Variants in C12orf54 observed in about 807,000 individuals in gnomAD.
C12orf54 encodes uncharacterized protein C12orf54.
C12orf54 carries 24 observed loss-of-function variants against 26.4 expected under a neutral mutation model. The ratio of observed to expected loss-of-function variants is 0.91; its 90% CI spans 0.66 to 1.28. C12orf54 has a LOEUF of 1.28. C12orf54 is among the 50% of genes most tolerant of loss of function. The pLI, the probability that C12orf54 is intolerant of heterozygous loss-of-function variation, is 0.00. For missense variants in C12orf54, 154 were observed against 150.9 expected, an observed-to-expected ratio of 1.02 and a Z score of -0.11; for synonymous variants, 54 against 47.0, an observed-to-expected ratio of 1.15 and a Z score of -0.61.
chr12:48,417,311 C>G, the C12orf54 span: 1 of 152,284 alleles, frequency 6.6e-6, no homozygotes, highest in East Asian at 1.9e-4. Context: ...AGGATGAACT[C>G]GGAGATAATG....
chr12:48,460,172 T>TA, the C12orf54 span, among the ~76,000 whole-genome samples: 64 of 151,700 alleles, frequency 4.2e-4, no homozygotes, highest in African/African-American at 1.4e-3. Context: ...AACCTAGGCT[T>TA]ACAGAGTTTA....
At chr12:48,447,208 T>TCTCTC in the C12orf54 span, among the ~76,000 whole-genome samples, 7 of 97,410 alleles carry the variant, frequency 7.2e-5, no homozygotes, top group African/African-American at 2.4e-4. Context: ...CTCTCTCTCT[T>TCTCTC]ACTCTGTGTG....
chr12:48,462,642 G>A, the C12orf54 span, among the ~76,000 whole-genome samples: 1 of 151,526 alleles, frequency 6.6e-6, no homozygotes, highest in Non-Finnish European at 1.5e-5. Flanking sequence ...ATCTTAATAT[G>A]TACAGAAAAA....
At chr12:48,457,533 C>G in the C12orf54 span, among the ~76,000 whole-genome samples, 6 of 152,006 alleles carry the variant, frequency 3.9e-5, no homozygotes, top group Admixed American at 6.6e-5. Flanking sequence ...GGGTTTTCAC[C>G]ATGTTGGTCA....
intron 6 of C12orf54, among the ~76,000 whole-genome samples, chr12:48,492,498 A>G (rs17123106): frequency 0.15 from 22,269 of 152,190 alleles, 2,855 homozygotes; most frequent in East Asian, 0.66. Context: ...CCTGGGCTGT[A>G]AAAAGGTGGA....
chr12:48,481,200 GTT>G (rs71439446), upstream of C12orf54, among the ~76,000 whole-genome samples: 11 of 125,900 alleles, frequency 8.7e-5, no homozygotes, highest in African/African-American at 3.6e-4. Flanking sequence ...TAAAAATAGA[GTT>G]TTTTTTTTAA....
chr12:48,466,876 A>AATGG, the C12orf54 span, among the ~76,000 whole-genome samples: 6 of 152,286 alleles, frequency 3.9e-5, no homozygotes, highest in South Asian at 1.2e-3. Flanking sequence ...AAAATTTGTG[A>AATGG]ATGGATGTTC....
At chr12:48,469,538 AT>A in the C12orf54 span, among the ~76,000 whole-genome samples, 3 of 152,110 alleles carry the variant, frequency 2.0e-5, no homozygotes, top group Non-Finnish European at 4.4e-5. Context: ...TTTACAAACA[AT>A]TTGCCCAGAT....
chr12:48,449,617 G>A, the C12orf54 span, among the ~76,000 whole-genome samples: 2 of 152,130 alleles, frequency 1.3e-5, no homozygotes, highest in African/African-American at 4.8e-5. Flanking sequence ...TGTTAAGAAA[G>A]TTCCTTACTA....
the C12orf54 span, among the ~76,000 whole-genome samples, chr12:48,438,494 A>G: frequency 4.6e-5 from 7 of 152,242 alleles, no homozygotes; most frequent in Non-Finnish European, 8.8e-5. Flanking sequence ...ACGCTACCTG[A>G]CTTCAAACTA....
the C12orf54 span, among the ~76,000 whole-genome samples, chr12:48,469,335 CAG>C: frequency 6.6e-6 from 1 of 152,198 alleles, no homozygotes; most frequent in Non-Finnish European, 1.5e-5. Flanking sequence ...TTCGTTTTCC[CAG>C]AGTTATTCCT....
chr12:48,438,583 C>A, the C12orf54 span, among the ~76,000 whole-genome samples: 8 of 152,226 alleles, frequency 5.3e-5, no homozygotes, highest in South Asian at 1.7e-3. Context: ...CAGAACAGAG[C>A]CCTCAGAAAT....
chr12:48,419,688 G>T, the C12orf54 span, among the ~76,000 whole-genome samples: 1 of 151,996 alleles, frequency 6.6e-6, no homozygotes, highest in African/African-American at 2.4e-5. Context: ...GGAGAGGAAG[G>T]GATGAAAAGA....
the C12orf54 span, among the ~76,000 whole-genome samples, chr12:48,475,535 G>A: frequency 6.6e-6 from 1 of 152,148 alleles, no homozygotes; most frequent in Admixed American, 6.5e-5. Context: ...AATAACCAAT[G>A]CAGAGAAGTC....
At chr12:48,439,911 A>G in the C12orf54 span, among the ~76,000 whole-genome samples, 1 of 152,150 alleles carries the variant, frequency 6.6e-6, no homozygotes, top group African/African-American at 2.4e-5. Context: ...AATAAAATAA[A>G]AAAATAAAAA....
chr12:48,489,844 C>T (rs1369807606), intron 5 of C12orf54, among the ~76,000 whole-genome samples: 1 of 151,970 alleles, frequency 6.6e-6, no homozygotes, highest in Non-Finnish European at 1.5e-5. Flanking sequence ...GCCTCAGTCT[C>T]CTGGGTAACT....
the C12orf54 span, among the ~76,000 whole-genome samples, chr12:48,438,428 AAAG>A: frequency 6.6e-6 from 1 of 152,250 alleles, no homozygotes; most frequent in Non-Finnish European, 1.5e-5. Context: ...GGAACCAAAA[AAAG>A]AGCCCACATC....
chr12:48,463,947 C>T, the C12orf54 span, among the ~76,000 whole-genome samples: 1 of 152,020 alleles, frequency 6.6e-6, no homozygotes, highest in African/African-American at 2.4e-5. Context: ...ATAATAAGAG[C>T]CATCTATAAC....
rs1937890625 is a variant in C12orf54, at chr12:48,495,391, C to G, written c.*40+412C>G. On this transcript the variant is annotated intron_variant, in intron 8 of 8. Transcript: ENST00000548364. ...GAAAGTGCTCTAGAAACTTGCACTA[C>G]TTTGGGGGCTTAATTCAGTGTCAAG... Among the ~76,000 whole-genome samples, 4 of 152,294 alleles carry G rather than the reference C, an allele frequency of 2.6e-5. No homozygotes were observed. The South Asian group carries it at 8.3e-4, about 32-fold the overall frequency.
Sources: gnomAD v4.1 joint callset for allele counts (sites outside exome capture counted in the v4.1 genomes callset) on GRCh38, gnomAD v4.1.1 for gene constraint, MANE v1.5 for transcripts, NCBI Gene and HGNC (gene_info 2026-07-23, HGNC 2026-07-21) for gene names.